NPAS3: variants seen among roughly 807,000 people sequenced by gnomAD.
NPAS3 encodes the protein neuronal PAS domain-containing protein 3.
Under a neutral mutation model 73.1 loss-of-function variants are expected in NPAS3, and 14 were observed. That is an observed-to-expected ratio of 0.19 (90% CI 0.13 to 0.30). The LOEUF is 0.30. NPAS3 is among the 10% of genes least tolerant of loss of function. NPAS3 has a pLI of 1.00. For synonymous variants in NPAS3, 620 were observed against 541.5 expected (o/e 1.14, Z -2.01); for missense variants, 1,096 against 1,250.0 (o/e 0.88, Z 1.86).
At chr14:33,561,189 G>A (rs922673252) in intron 5 of NPAS3, among the ~76,000 whole-genome samples, 2 of 152,162 alleles carry the variant, frequency 1.3e-5, no homozygotes, top group African/African-American at 2.4e-5. Flanking sequence ...TTTAAAGCAG[G>A]ACCTACCCCA....
intron 4 of NPAS3, among the ~76,000 whole-genome samples, chr14:33,446,171 T>TTTC (rs200001810): frequency 0.078 from 8,511 of 109,610 alleles, 332 homozygotes; most frequent in African/African-American, 0.13. Context: ...GCTTTCTTTT[T>TTTC]TTTTTTTTTT....
At chr14:33,312,741 G>C (rs542230395) in intron 3 of NPAS3, among the ~76,000 whole-genome samples, 1 of 152,082 alleles carries the variant, frequency 6.6e-6, no homozygotes, top group African/African-American at 2.4e-5. Context: ...GGTATAATTA[G>C]CATTTTTCTC....
intron 2 of NPAS3, among the ~76,000 whole-genome samples, chr14:33,176,074 A>C (rs2045579475): frequency 6.6e-6 from 1 of 152,208 alleles, no homozygotes; most frequent in African/African-American, 2.4e-5. Context: ...ATAGGTCTTA[A>C]GATTATCCAT....
At chr14:33,299,976 T>TA (rs982761429) in intron 3 of NPAS3, among the ~76,000 whole-genome samples, 1 of 152,204 alleles carries the variant, frequency 6.6e-6, no homozygotes, top group Non-Finnish European at 1.5e-5. Context: ...AAAACCGTAG[T>TA]ACAGAGGTTA....
At chr14:33,193,633 G>A (rs1464172692) in intron 2 of NPAS3, among the ~76,000 whole-genome samples, 1 of 152,146 alleles carries the variant, frequency 6.6e-6, no homozygotes, top group Non-Finnish European at 1.5e-5. Context: ...TTATTTTATA[G>A]GCTCTGCTCC....
At chr14:33,122,962 C>T (rs2043285255) in intron 2 of NPAS3, among the ~76,000 whole-genome samples, 1 of 152,048 alleles carries the variant, frequency 6.6e-6, no homozygotes, top group African/African-American at 2.4e-5. Context: ...AACAAAACAA[C>T]ACTTTTAGTC....
intron 7 of NPAS3, among the ~76,000 whole-genome samples, chr14:33,767,018 T>G (rs181958723): frequency 6.6e-6 from 1 of 152,374 alleles, no homozygotes; most frequent in East Asian, 1.9e-4. Flanking sequence ...ACTCTGCTTC[T>G]GCCTCCCAGA....
rs1470659111 is a variant in NPAS3, at chr14:33,291,190, A to G, written c.385+75764A>G. 2.6e-5 allele frequency among the ~76,000 whole-genome samples: 4 copies of G among 152,196 alleles called. No homozygotes were observed. The East Asian group carries it at 5.8e-4, about 22-fold the overall frequency. On this transcript the variant is annotated intron_variant, in intron 3 of 11. Coordinates refer to ENST00000356141, the Ensembl canonical transcript of NPAS3. ...TAATTTACTAGGCAGTCTAGCTTCC[A>G]GTTCTAGAGCTTAAAAGTATATCAG...
At chr14:33,424,973 C>T (rs2048497328) in intron 4 of NPAS3, among the ~76,000 whole-genome samples, 1 of 151,872 alleles carries the variant, frequency 6.6e-6, no homozygotes, top group Non-Finnish European at 1.5e-5. Context: ...AATGCTACTA[C>T]TTAAAGATTG....
intron 3 of NPAS3, among the ~76,000 whole-genome samples, chr14:33,237,616 CAG>C: frequency 6.6e-6 from 1 of 152,096 alleles, no homozygotes; most frequent in East Asian, 1.9e-4. Flanking sequence ...CTTTCGGCTT[CAG>C]AGAGGCAACA....
chr14:33,462,160 A>G (rs1432300985), intron 4 of NPAS3, among the ~76,000 whole-genome samples: 1 of 152,226 alleles, frequency 6.6e-6, no homozygotes. Context: ...GAGGGACTGC[A>G]GAAACCTGGG....
intron 4 of NPAS3, among the ~76,000 whole-genome samples, chr14:33,474,369 A>G (rs896118511): frequency 6.6e-6 from 1 of 152,204 alleles, no homozygotes; most frequent in Non-Finnish European, 1.5e-5. Context: ...AAAGATAACT[A>G]CAGTATGTTT....
At chr14:33,214,909 C>T (rs2047164066) in intron 2 of NPAS3, 1 of 435,184 alleles carries the variant, frequency 2.3e-6, no homozygotes, top group South Asian at 2.6e-5. Context: ...ACAATAAATA[C>T]ACCTCAATGC....
intron 4 of NPAS3, among the ~76,000 whole-genome samples, chr14:33,557,779 C>T (rs991562218): frequency 3.9e-5 from 6 of 152,296 alleles, no homozygotes; most frequent in African/African-American, 1.4e-4. Flanking sequence ...GCCATCCTGG[C>T]TAACACGGTG....
intron 4 of NPAS3, among the ~76,000 whole-genome samples, chr14:33,386,957 G>A (rs2046799211): frequency 6.6e-6 from 1 of 151,988 alleles, no homozygotes; most frequent in South Asian, 2.1e-4. Context: ...CTGTCAGTTT[G>A]GGATGTGGCC....
At chr14:33,178,795 T>C (rs2045690613) in intron 2 of NPAS3, among the ~76,000 whole-genome samples, 1 of 152,168 alleles carries the variant, frequency 6.6e-6, no homozygotes, top group Non-Finnish European at 1.5e-5. Context: ...TCCTTCCAAT[T>C]TGATATATTG....
chr14:32,987,816 C>G (rs542839561), intron 1 of NPAS3, among the ~76,000 whole-genome samples: 1 of 152,104 alleles, frequency 6.6e-6, no homozygotes, highest in African/African-American at 2.4e-5. Flanking sequence ...TCTTTTTACT[C>G]TTCTTAGCTA....
chr14:33,138,685 G>A (rs1038288772), intron 2 of NPAS3, among the ~76,000 whole-genome samples: 1 of 152,174 alleles, frequency 6.6e-6, no homozygotes, highest in African/African-American at 2.4e-5. Context: ...CTAAGGAAGA[G>A]GGAATGAGAC....
chr14:33,082,999 G>A (rs1379100677), intron 2 of NPAS3, among the ~76,000 whole-genome samples: 1 of 151,772 alleles, frequency 6.6e-6, no homozygotes. Flanking sequence ...TGGCCAACAT[G>A]GCAAAACCTT....
Sources: gnomAD v4.1 joint callset for allele counts (sites outside exome capture counted in the v4.1 genomes callset) on GRCh38, gnomAD v4.1.1 for gene constraint, MANE v1.5 for transcripts, NCBI Gene and HGNC (gene_info 2026-07-23, HGNC 2026-07-21) for gene names.